VAMP4: variants seen among roughly 807,000 people sequenced by gnomAD.
The protein encoded by VAMP4 is vesicle associated membrane protein 4.
In VAMP4, 19 loss-of-function variants were observed where a neutral mutation model predicts 23.5. That is an observed-to-expected ratio of 0.81 (90% CI 0.56 to 1.19). VAMP4 has a LOEUF of 1.19. Ranked by LOEUF, VAMP4 falls within the 50% of genes most tolerant of loss-of-function variation. The pLI, the probability that VAMP4 is intolerant of heterozygous loss-of-function variation, is 0.00. For missense variants in VAMP4, 145 were observed against 168.6 expected, an observed-to-expected ratio of 0.86 and a Z score of 0.78; for synonymous variants, 31 against 51.0, an observed-to-expected ratio of 0.61 and a Z score of 1.67.
chr1:171,735,269 G>A (rs1232530896), intron 2 of VAMP4, among the ~76,000 whole-genome samples: 1 of 152,160 alleles, frequency 6.6e-6, no homozygotes, highest in African/African-American at 2.4e-5. Flanking sequence ...TTAAAATCAT[G>A]TAAAAATAAA....
chr1:171,713,168 TA>T (rs1289416212), intron 4 of VAMP4, among the ~76,000 whole-genome samples: 2 of 152,104 alleles, frequency 1.3e-5, no homozygotes, highest in Non-Finnish European at 2.9e-5. Context: ...ATAAATCCTA[TA>T]AAGCATATCC....
At chr1:171,706,719 T>C (rs1654666635) in intron 6 of VAMP4, among the ~76,000 whole-genome samples, 1 of 152,216 alleles carries the variant, frequency 6.6e-6, no homozygotes, top group South Asian at 2.1e-4. Context: ...ACCTTCGATG[T>C]ATTGAACCAT....
At chr1:171,731,141 T>C (rs931422297) in intron 2 of VAMP4, among the ~76,000 whole-genome samples, 3 of 150,136 alleles carry the variant, frequency 2.0e-5, no homozygotes, top group Admixed American at 1.3e-4. Context: ...ATGTGCACTG[T>C]TCTAAGTACT....
chr1:171,722,757 C>T (rs1475126342), intron 3 of VAMP4, among the ~76,000 whole-genome samples: 1 of 152,126 alleles, frequency 6.6e-6, no homozygotes, highest in African/African-American at 2.4e-5. Context: ...CAGGAAACAA[C>T]AGGTGCTGGA....
intron 4 of VAMP4, among the ~76,000 whole-genome samples, chr1:171,715,471 A>G (rs1462310963): frequency 6.6e-6 from 1 of 152,188 alleles, no homozygotes; most frequent in Admixed American, 6.5e-5. Context: ...TGGGTTTGCA[A>G]TACAACTTTA....
At position 171,703,383 on chromosome 1, in the gene VAMP4, A is replaced by ATATGTGTGCG. The variant is rs1654514245; in HGVS notation, c.*1113_*1122dup. Reference sequence around the variant, plus strand: ...TTTGGTTACCGACTGACTGATTATCATATGTGTGCGTGTGTGTGTGTGTGT... The same window carrying ATATGTGTGCG: ...TTTGGTTACCGACTGACTGATTATCATATGTGTGCGTATGTGTGCGTGTGTGTGTGTGTGT... On this transcript the variant is annotated 3_prime_UTR_variant, in exon 8 of 8. Coordinates refer to ENST00000236192, the MANE Select transcript of VAMP4 (RefSeq NM_003762.5). 1 of 131,994 alleles carries ATATGTGTGCG rather than the reference A, an allele frequency of 7.6e-6. No individual in the cohort carries two copies. The highest frequency in any genetic ancestry group is 2.5e-4 in the South Asian group (1 of 3,972). The allele number at this position is 131,994 out of a possible 1,614,324, so 8.2% of individuals were successfully genotyped here. A position where few individuals can be genotyped will look rare whatever the true frequency, so the allele number is the denominator to read the frequency against.
chr1:171,739,072 G>A (rs1365586371), intron 1 of VAMP4, among the ~76,000 whole-genome samples: 2 of 152,072 alleles, frequency 1.3e-5, no homozygotes, highest in South Asian at 2.1e-4. Context: ...CCTTGGAATC[G>A]CTGCAGTGAT....
chr1:171,719,216 C>A lies in VAMP4; in HGVS notation c.119G>T (p.Gly40Val), dbSNP rs771441555. 34 of 1,611,006 alleles carry A rather than the reference C, an allele frequency of 2.1e-5. No homozygotes were observed. The highest frequency in any genetic ancestry group is 2.9e-5 in the Non-Finnish European group (34 of 1,178,560). Reference protein sequence around the residue: ...SDEEEDFFLRGPSGPRFGPRN... With the variant: ...SDEEEDFFLRVPSGPRFGPRN... ...AGGTCCAAATCTTGGTCCAGATGGT[C>A]CCCTTCTGAAAACAAGTACATACCA... is the stretch of plus-strand genomic sequence containing the variant. The change falls in exon 4 of 8, where the codon GGA becomes GTA. Residue 40 changes from glycine (G) to valine (V), a missense_variant. Gly to Val is a moderately radical substitution (Grantham distance 109). Transcript: ENST00000236192.
intron 3 of VAMP4, among the ~76,000 whole-genome samples, chr1:171,723,061 G>A (rs111672161): frequency 2.6e-5 from 4 of 152,168 alleles, no homozygotes; most frequent in African/African-American, 9.7e-5. Flanking sequence ...GACATCACGT[G>A]TCGGCAGGTT....
At chr1:171,725,175 C>T (rs1385390465) in intron 3 of VAMP4, among the ~76,000 whole-genome samples, 2 of 152,166 alleles carry the variant, frequency 1.3e-5, no homozygotes, top group Non-Finnish European at 2.9e-5. Flanking sequence ...TGGAATCATG[C>T]AATATTTTTC....
At chr1:171,718,351 C>T (rs1656321298) in intron 4 of VAMP4, among the ~76,000 whole-genome samples, 3 of 152,166 alleles carry the variant, frequency 2.0e-5, no homozygotes, top group African/African-American at 7.2e-5. Context: ...TGACTATTAT[C>T]CCTCCTTAGG....
chr1:171,738,908 G>A (rs1274086116), intron 1 of VAMP4, among the ~76,000 whole-genome samples: 2 of 152,188 alleles, frequency 1.3e-5, no homozygotes, highest in Non-Finnish European at 2.9e-5. Context: ...GCAGAGTTGG[G>A]ACGGTCAAAT....
rs59222991 is a variant in VAMP4 at position 171,703,425 on chromosome 1, GTATATATATATATATATATATATATA to G, written c.*1055_*1080del. On this transcript the variant is annotated 3_prime_UTR_variant, in exon 8 of 8. Transcript: ENST00000236192. ...TGTGTGTGTGTGTGTGTGTTTGTGT[GTATATATATATATATATATATATATA>G]TATATATATATATATATACACATAG... is the stretch of plus-strand genomic sequence containing the variant. The G allele has an allele frequency of 0.028, 2,250 of 80,726 alleles. 125 individuals carry two copies. The highest frequency in any genetic ancestry group is 0.031 in the Non-Finnish European group (1,315 of 41,952). 5.0% of individuals were successfully genotyped at this position (80,726 alleles called of 1,614,324 possible).
At chr1:171,731,882 ACAAT>A in intron 2 of VAMP4, among the ~76,000 whole-genome samples, 1 of 152,350 alleles carries the variant, frequency 6.6e-6, no homozygotes, top group South Asian at 2.1e-4. Flanking sequence ...AAAGTATTAA[ACAAT>A]CAAATAAGAT....
chr1:171,721,382 A>G (rs150474945), intron 3 of VAMP4, among the ~76,000 whole-genome samples: 1 of 152,210 alleles, frequency 6.6e-6, no homozygotes, highest in Non-Finnish European at 1.5e-5. Flanking sequence ...TGCAGAAAGC[A>G]TAATTGTTCT....
intron 3 of VAMP4, among the ~76,000 whole-genome samples, chr1:171,723,002 A>T (rs1471566493): frequency 6.6e-6 from 1 of 152,190 alleles, no homozygotes; most frequent in East Asian, 1.9e-4. Context: ...TGAGTAATAA[A>T]GGGAAAGACT....
intron 3 of VAMP4, among the ~76,000 whole-genome samples, chr1:171,724,856 T>C (rs34627492): frequency 1.3e-5 from 2 of 152,108 alleles, no homozygotes; most frequent in African/African-American, 2.4e-5. Context: ...GTGATTACTA[T>C]GGTATTGATG....
At chr1:171,729,363 C>A (rs1655485675) in intron 2 of VAMP4, among the ~76,000 whole-genome samples, 2 of 152,244 alleles carry the variant, frequency 1.3e-5, no homozygotes, top group East Asian at 3.9e-4. Flanking sequence ...ACACAAAATT[C>A]ATTATGCTTC....
chr1:171,736,633 T>C (rs1655748942), intron 2 of VAMP4, among the ~76,000 whole-genome samples: 1 of 151,320 alleles, frequency 6.6e-6, no homozygotes. Context: ...ATTGGTGGAT[T>C]CTATTTCCCC....
Sources: gnomAD v4.1 joint callset for allele counts (sites outside exome capture counted in the v4.1 genomes callset) on GRCh38, gnomAD v4.1.1 for gene constraint, MANE v1.5 for transcripts, NCBI Gene and HGNC (gene_info 2026-07-23, HGNC 2026-07-21) for gene names.